Variants in SIPA1L1 observed in about 807,000 individuals in gnomAD.
SIPA1L1 encodes signal induced proliferation associated 1 like 1, also known as signal-induced proliferation-associated 1-like protein 1.
Under a neutral mutation model 162.7 loss-of-function variants are expected in SIPA1L1, and 26 were observed. The ratio of observed to expected loss-of-function variants is 0.16; its 90% CI spans 0.12 to 0.22. SIPA1L1 has a LOEUF of 0.22. Ranked by LOEUF, SIPA1L1 falls within the 10% of genes least tolerant of loss-of-function variation. The pLI is 1.00. For missense variants in SIPA1L1, 1,874 were observed against 2,241.0 expected (o/e 0.84, Z 3.31); for synonymous variants, 829 against 837.4 (o/e 0.99, Z 0.17).
chr14:71,472,863 A>AG (rs2047567862), intron 2 of SIPA1L1, among the ~76,000 whole-genome samples: 1 of 149,272 alleles, frequency 6.7e-6, no homozygotes, highest in Admixed American at 6.8e-5. Context: ...AAAAAAAAAA[A>AG]AAAGCAGGGT....
Position 71,648,065 on chromosome 14 carries a change from GGATCAC to G in SIPA1L1, c.1819-2269_1819-2264del, listed in dbSNP as rs376955990. Among the ~76,000 whole-genome samples the G allele has an allele frequency of 2.8e-3, 428 of 152,226 alleles. 4 individuals carry two copies. Among genetic ancestry groups the G allele is most frequent in the African/African-American group, 9.7e-3 (404 of 41,514 alleles). On this transcript the variant is annotated intron_variant, in intron 7 of 23. Coordinates refer to ENST00000381232, the MANE Select transcript of SIPA1L1 (RefSeq NM_001386936.1). ...AGCACTTTGGGAGGCCGAGGCAGGT[GGATCAC>G]CTGAGGTCAGGAGTTCAAGACCAGC...
chr14:71,470,505 A>G (rs565401345), intron 2 of SIPA1L1, among the ~76,000 whole-genome samples: 5 of 152,080 alleles, frequency 3.3e-5, no homozygotes, highest in Non-Finnish European at 5.9e-5. Flanking sequence ...TACATATCTA[A>G]TGTTAATTTA....
Position 71,661,480 on chromosome 14 carries a change from G to C in SIPA1L1, c.2255+13G>C. ...GTGTCTGTTATAGGTGTGTATGGGTGTCACAGCAGGGGCTCTGTGGATGTT... is the reference window on the plus strand; with the variant it reads ...GTGTCTGTTATAGGTGTGTATGGGTCTCACAGCAGGGGCTCTGTGGATGTT... On this transcript the variant is annotated intron_variant, in intron 10 of 23. Transcript: ENST00000381232. 6.2e-7 allele frequency: 1 copy of C among 1,609,190 alleles called. No homozygotes were observed. Among genetic ancestry groups the C allele is most frequent in the Admixed American group, 1.7e-5 (1 of 59,680 alleles).
intron 2 of SIPA1L1, chr14:71,321,421 T>C (rs766165154): frequency 6.6e-6 from 1 of 152,252 alleles, no homozygotes; most frequent in Non-Finnish European, 1.5e-5. Context: ...GCACAACTAC[T>C]GGGCAGGCGT....
At chr14:71,360,059 G>T (rs969832952) in intron 2 of SIPA1L1, among the ~76,000 whole-genome samples, 1 of 152,206 alleles carries the variant, frequency 6.6e-6, no homozygotes, top group Non-Finnish European at 1.5e-5. Flanking sequence ...CCCATCTTGT[G>T]AGAGTTGAAC....
chr14:71,367,311 T>TC (rs1471101153), intron 2 of SIPA1L1, among the ~76,000 whole-genome samples: 3 of 151,384 alleles, frequency 2.0e-5, no homozygotes, highest in African/African-American at 7.3e-5. Flanking sequence ...TGCTTTTTTT[T>TC]TTTTTTTTTT....
intron 2 of SIPA1L1, among the ~76,000 whole-genome samples, chr14:71,329,694 T>C (rs1310263716): frequency 6.6e-6 from 1 of 152,230 alleles, no homozygotes; most frequent in African/African-American, 2.4e-5. Flanking sequence ...TCTCTGATGA[T>C]TGATGAAGTT....
intron 2 of SIPA1L1, among the ~76,000 whole-genome samples, chr14:71,496,244 G>A (rs1271422927): frequency 6.6e-6 from 1 of 152,144 alleles, no homozygotes; most frequent in African/African-American, 2.4e-5. Context: ...TGAAGCAGGA[G>A]GATCACTTGC....
chr14:71,542,189 C>T (rs753902358), intron 4 of SIPA1L1, among the ~76,000 whole-genome samples: 28 of 152,092 alleles, frequency 1.8e-4, no homozygotes, highest in Non-Finnish European at 3.5e-4. Context: ...CAGCTCAAGC[C>T]GTCCTCCCCA....
chr14:71,550,377 A>G (rs1354537015), intron 4 of SIPA1L1, among the ~76,000 whole-genome samples: 2 of 152,212 alleles, frequency 1.3e-5, no homozygotes, highest in Non-Finnish European at 2.9e-5. Flanking sequence ...AGTGTGGAGT[A>G]GTCTAGAGCT....
At chr14:71,467,902 A>T (rs2047133480) in intron 2 of SIPA1L1, among the ~76,000 whole-genome samples, 1 of 151,900 alleles carries the variant, frequency 6.6e-6, no homozygotes, top group Admixed American at 6.6e-5. Context: ...ATCATTTACC[A>T]GCGTTGTGAT....
chr14:71,411,776 C>T (rs1344013637), intron 2 of SIPA1L1, among the ~76,000 whole-genome samples: 4 of 152,202 alleles, frequency 2.6e-5, no homozygotes, highest in African/African-American at 4.8e-5. Flanking sequence ...CTTGCTGCTT[C>T]GAGTTACTGT....
chr14:71,373,501 T>C (rs2039086288), intron 2 of SIPA1L1, among the ~76,000 whole-genome samples: 1 of 150,960 alleles, frequency 6.6e-6, no homozygotes, highest in African/African-American at 2.4e-5. Context: ...GGCTGGCGCC[T>C]GTAATCCCAG....
At chr14:71,325,977 A>G (rs1183328020) in intron 2 of SIPA1L1, among the ~76,000 whole-genome samples, 13 of 152,164 alleles carry the variant, frequency 8.5e-5, no homozygotes, top group Admixed American at 8.5e-4. Context: ...TGGTTCACAC[A>G]AACTCGGGGG....
intron 16 of SIPA1L1, among the ~76,000 whole-genome samples, chr14:71,707,147 G>GCA (rs1566701429): frequency 6.7e-6 from 1 of 149,844 alleles, no homozygotes; most frequent in Middle Eastern, 3.5e-3. Flanking sequence ...ACACACACAC[G>GCA]CACACACACA....
intron 17 of SIPA1L1, among the ~76,000 whole-genome samples, chr14:71,722,668 CT>C (rs1478320695): frequency 1.3e-5 from 2 of 152,098 alleles, no homozygotes; most frequent in Non-Finnish European, 2.9e-5. Context: ...AAAATCTTGC[CT>C]TTTTCTGCTC....
intron 4 of SIPA1L1, among the ~76,000 whole-genome samples, chr14:71,577,730 CTTTTTTTT>C (rs5809525): frequency 4.1e-5 from 4 of 97,160 alleles, no homozygotes; most frequent in Non-Finnish European, 5.6e-5. Flanking sequence ...TTGGGCATGC[CTTTTTTTT>C]TTTTTTTTTT....
chr14:71,589,080 G>C lies in SIPA1L1; in HGVS notation c.1208G>C (p.Gly403Ala), dbSNP rs1174369385. 1.2e-6 allele frequency: 2 copies of C among 1,614,138 alleles called. No individual in the cohort carries two copies. Among genetic ancestry groups the C allele is most frequent in the Non-Finnish European group, 1.7e-6 (2 of 1,179,984 alleles). The change falls in exon 5 of 24, where the codon GGA becomes GCA. Residue 403 changes from glycine (G) to alanine (A), a missense_variant. Physicochemically the swap from Gly to Ala is moderately conservative, Grantham distance 60. Transcript: ENST00000381232. ...NSKGSLSMDQ[G>A]DDKSNELVMS... ...AAAGGAAGCCTCAGCATGGACCAGG[G>C]AGATGATAAAAGCAATGAGCTTGTA...
intron 2 of SIPA1L1, among the ~76,000 whole-genome samples, chr14:71,409,430 T>C (rs2042252576): frequency 6.6e-6 from 1 of 152,186 alleles, no homozygotes. Flanking sequence ...GGGAAGGCAT[T>C]ATATGACATG....
Sources: gnomAD v4.1 joint callset for allele counts (sites outside exome capture counted in the v4.1 genomes callset) on GRCh38, gnomAD v4.1.1 for gene constraint, MANE v1.5 for transcripts, NCBI Gene and HGNC (gene_info 2026-07-23, HGNC 2026-07-21) for gene names.